The following PAAF1 variants were observed in gnomAD, a reference collection of about 807,000 sequenced individuals.
PAAF1 encodes proteasomal ATPase associated factor 1, also known as proteasomal ATPase-associated factor 1.
In PAAF1, 46 loss-of-function variants were observed where a neutral mutation model predicts 52.8. The ratio of observed to expected loss-of-function variants is 0.87; its 90% CI spans 0.69 to 1.11. PAAF1 has a LOEUF of 1.11. Ranked by LOEUF, PAAF1 falls within the 50% of genes most tolerant of loss-of-function variation. The pLI, the probability that PAAF1 is intolerant of heterozygous loss-of-function variation, is 0.00. For synonymous variants in PAAF1, 178 were observed against 172.8 expected (o/e 1.03, Z -0.24); for missense variants, 424 against 477.4 (o/e 0.89, Z 1.04).
chr11:73,881,601 A>G (rs1211467375), intron 2 of PAAF1, among the ~76,000 whole-genome samples: 1 of 152,050 alleles, frequency 6.6e-6, no homozygotes. Flanking sequence ...AACAGTTTTA[A>G]AAAAACATTA....
intron 3 of PAAF1, among the ~76,000 whole-genome samples, chr11:73,890,863 C>G (rs1949179743): frequency 6.6e-6 from 1 of 152,080 alleles, no homozygotes; most frequent in Non-Finnish European, 1.5e-5. Flanking sequence ...TTCTGTGGAG[C>G]AGCTTATTTC....
intron 5 of PAAF1, among the ~76,000 whole-genome samples, chr11:73,899,608 C>T (rs1336390967): frequency 4.6e-5 from 7 of 152,152 alleles, no homozygotes; most frequent in South Asian, 4.2e-4. Flanking sequence ...GATGGGCTTT[C>T]GCCATGTCGG....
At chr11:73,888,855 G>C (rs1176590882) in intron 3 of PAAF1, 3 of 403,118 alleles carry the variant, frequency 7.4e-6, no homozygotes, top group Non-Finnish European at 1.3e-5. Context: ...ATAAAGCTGA[G>C]ATCCTATTCT....
chr11:73,908,249 AT>A (rs1383857098), intron 6 of PAAF1, among the ~76,000 whole-genome samples: 1 of 146,314 alleles, frequency 6.8e-6, no homozygotes, highest in African/African-American at 2.5e-5. Flanking sequence ...ATATATGTGT[AT>A]ATATATGTAT....
intron 6 of PAAF1, among the ~76,000 whole-genome samples, chr11:73,901,073 G>A (rs115195115): frequency 0.017 from 2,422 of 146,604 alleles, 67 homozygotes; most frequent in African/African-American, 0.058. Flanking sequence ...TCGTATACTT[G>A]TGTGCTGGGA....
At chr11:73,900,703 C>A (rs543926227) in intron 6 of PAAF1, among the ~76,000 whole-genome samples, 1 of 152,064 alleles carries the variant, frequency 6.6e-6, no homozygotes, top group Non-Finnish European at 1.5e-5. Flanking sequence ...TGTTTTCTGG[C>A]CGGGCGCGGT....
intron 6 of PAAF1, among the ~76,000 whole-genome samples, chr11:73,900,809 C>T (rs903263425): frequency 9.9e-5 from 15 of 151,570 alleles, no homozygotes; most frequent in African/African-American, 3.1e-4. Flanking sequence ...GGTGAAACCC[C>T]GTCTCTACTA....
chr11:73,887,887 T>C (rs1045371155), intron 3 of PAAF1, among the ~76,000 whole-genome samples: 2 of 152,100 alleles, frequency 1.3e-5, no homozygotes, highest in African/African-American at 4.8e-5. Flanking sequence ...GCAGCTGGGA[T>C]TATGGGCGCC....
intron 4 of PAAF1, among the ~76,000 whole-genome samples, chr11:73,898,048 C>T (rs185517599): frequency 0.06 from 9,057 of 152,194 alleles, 294 homozygotes; most frequent in Middle Eastern, 0.11. Context: ...TCAGGCGTGG[C>T]GGCGCGCGCC....
chr11:73,899,145 G>A lies in PAAF1; in HGVS notation c.283-1G>A, dbSNP rs147312150. 6.2e-7 allele frequency: 1 copy of A among 1,611,572 alleles called. No homozygotes were observed. Among genetic ancestry groups the A allele is most frequent in the Non-Finnish European group, 8.5e-7 (1 of 1,177,902 alleles). On this transcript the variant is annotated splice_acceptor_variant, in intron 4 of 11. Coordinates refer to ENST00000310571, the MANE Select transcript of PAAF1 (RefSeq NM_025155.3). LOFTEE classifies it high-confidence loss of function. ...ACATTGTTTGTTTTCTCTTTGAACA[G>A]ATAACATGCCTGGACATTTCCAGCA...
intron 9 of PAAF1, among the ~76,000 whole-genome samples, chr11:73,918,059 T>A (rs1025118498): frequency 6.6e-6 from 1 of 151,972 alleles, no homozygotes. Flanking sequence ...ATGAGAAACA[T>A]TGGGTCTTGT....
intron 4 of PAAF1, among the ~76,000 whole-genome samples, chr11:73,893,738 CAAAAAAAAA>C (rs564348245): frequency 4.2e-5 from 3 of 71,968 alleles, no homozygotes; most frequent in Non-Finnish European, 7.9e-5. Context: ...ACTCTGTCTC[CAAAAAAAAA>C]AAAAAAAAAA....
In PAAF1 at chr11:73,905,350, A is replaced by G. The variant is rs149577547; in HGVS notation, c.533-4049A>G. Among the ~76,000 whole-genome samples, 13 of 152,104 alleles carry G rather than the reference A, an allele frequency of 8.5e-5. 1 individual carries two copies. The East Asian group carries it at 2.5e-3, about 29-fold the overall frequency. On this transcript the variant is annotated intron_variant, in intron 6 of 11. Transcript: ENST00000310571. ...GTGATTCTTCTGCCTCAGCTTCCCA[A>G]GTAGCTGGGACTACAGGTACACGCC...
chr11:73,885,081 G>T (rs1031374283), intron 2 of PAAF1, among the ~76,000 whole-genome samples: 1 of 151,262 alleles, frequency 6.6e-6, no homozygotes, highest in African/African-American at 2.4e-5. Context: ...GGATGGTCTC[G>T]ATCTCCTGAC....
chr11:73,924,004 TACACACAC>T (rs113973014), intron 10 of PAAF1, among the ~76,000 whole-genome samples: 1 of 149,764 alleles, frequency 6.7e-6, no homozygotes. Context: ...AGTTTATAAA[TACACACAC>T]ACACACACAC....
chr11:73,898,798 G>A (rs973198330), intron 4 of PAAF1, among the ~76,000 whole-genome samples: 2 of 152,092 alleles, frequency 1.3e-5, no homozygotes, highest in Non-Finnish European at 2.9e-5. Context: ...TGGGTGATGG[G>A]AGTGAAACTC....
rs558355685 is a variant in PAAF1 at position 73,878,415 on chromosome 11, C to T, written c.48-364C>T. The stretch of plus-strand genomic sequence containing the variant: ...CAGGTGCTAAAATAATAAAAGGAAT[C>T]TTGTTTGGTTATTGTGAGGGTTAAT... On this transcript the variant is annotated intron_variant, in intron 1 of 11. Coordinates refer to ENST00000310571, the MANE Select transcript of PAAF1 (RefSeq NM_025155.3). Among the ~76,000 whole-genome samples, 17 of 152,282 alleles carry T rather than the reference C, an allele frequency of 1.1e-4. No individual in the cohort carries two copies. In the South Asian group the frequency reaches 3.3e-3, roughly 30 times the overall value.
chr11:73,897,125 G>C (rs547304980), intron 4 of PAAF1, among the ~76,000 whole-genome samples: 9,602 of 140,520 alleles, frequency 0.068, 500 homozygotes, highest in African/African-American at 0.14. Context: ...TTCCCAGTAG[G>C]GGCGGCCGGG....
chr11:73,888,748 G>C, intron 3 of PAAF1: 1 of 248,076 alleles, frequency 4.0e-6, no homozygotes, highest in Non-Finnish European at 7.6e-6. Flanking sequence ...GGGTATTATA[G>C]GTATCAGAAG....
Sources: allele counts gnomAD v4.1 joint callset (sites outside exome capture counted in the v4.1 genomes callset), GRCh38; gene constraint gnomAD v4.1.1; transcripts MANE v1.5; gene names NCBI Gene and HGNC (gene_info 2026-07-23, HGNC 2026-07-21).